Variants in GSG1L observed in about 807,000 individuals in gnomAD.
The protein encoded by GSG1L is GSG1 like.
A neutral mutation model predicts 42.1 loss-of-function variants in GSG1L; 24 were observed. The ratio of observed to expected loss-of-function variants is 0.57; its 90% CI spans 0.41 to 0.80. The LOEUF (loss-of-function observed/expected upper bound fraction) is 0.80. GSG1L is among the 30% of genes least tolerant of loss of function. The probability of loss-of-function intolerance (pLI) is 0.00; values close to 1 mark genes in which losing one functional copy is unlikely to be tolerated. For synonymous variants in GSG1L, 215 were observed against 203.5 expected (o/e 1.06, Z -0.48); for missense variants, 445 against 472.2 (o/e 0.94, Z 0.53).
chr16:27,874,032 G>A (rs557237351), intron 3 of GSG1L, among the ~76,000 whole-genome samples: 5 of 152,280 alleles, frequency 3.3e-5, no homozygotes, highest in South Asian at 4.1e-4. Context: ...AGCTGGGAGA[G>A]GGGAGCAGGT....
At chr16:27,939,895 G>C (rs182352201) in intron 2 of GSG1L, among the ~76,000 whole-genome samples, 1 of 152,118 alleles carries the variant, frequency 6.6e-6, no homozygotes, top group African/African-American at 2.4e-5. Flanking sequence ...TGCCTGGGCT[G>C]GTCTCGAGCT....
At chr16:27,845,161 G>T in intron 3 of GSG1L, 100 bp from the exon 4 acceptor site, 1 of 756,590 alleles carries the variant, frequency 1.3e-6, no homozygotes, top group Non-Finnish European at 2.2e-6. Context: ...GTCTGCCTGT[G>T]ATCACTGTGG....
At chr16:27,834,395 C>T (rs191793535) in intron 4 of GSG1L, among the ~76,000 whole-genome samples, 47 of 151,666 alleles carry the variant, frequency 3.1e-4, no homozygotes, top group African/African-American at 9.9e-4. Context: ...TATTAGTCTG[C>T]GGTTCTTTGC....
At chr16:27,933,603 C>T (rs2084679812) in intron 2 of GSG1L, among the ~76,000 whole-genome samples, 3 of 129,502 alleles carry the variant, frequency 2.3e-5, no homozygotes, top group Admixed American at 9.3e-5. Context: ...GAGCTATGAT[C>T]ATACTACTGC....
At chr16:27,964,459 G>A (rs886867971) in intron 1 of GSG1L, among the ~76,000 whole-genome samples, 2 of 152,000 alleles carry the variant, frequency 1.3e-5, no homozygotes, top group South Asian at 2.1e-4. Context: ...TTTATCAATC[G>A]TGGATAGCAC....
chr16:28,045,108 G>C (rs2086146876), intron 1 of GSG1L, among the ~76,000 whole-genome samples: 1 of 151,206 alleles, frequency 6.6e-6, no homozygotes, highest in Non-Finnish European at 1.5e-5. Context: ...TGGGGGTAGT[G>C]AAACGACTCT....
rs2085239158 is a variant in GSG1L at position 27,975,349 on chromosome 16, G to A, written c.350-12146C>T. On this transcript the variant is annotated intron_variant, in intron 1 of 6. Coordinates refer to ENST00000447459, the MANE Select transcript of GSG1L (RefSeq NM_001109763.2). The stretch of plus-strand genomic sequence containing the variant: ...GAGAAGGGCAGGGAATGGACATGGA[G>A]GGGTGGATGGAGAACAGCTGGCACA... Among the ~76,000 whole-genome samples, 4 of 152,062 alleles carry A rather than the reference G, an allele frequency of 2.6e-5. No homozygotes were observed. In the South Asian group the frequency reaches 8.3e-4, roughly 32 times the overall value.
intron 2 of GSG1L, among the ~76,000 whole-genome samples, chr16:27,890,710 G>A (rs1015364512): frequency 2.8e-4 from 42 of 152,212 alleles, no homozygotes; most frequent in African/African-American, 9.9e-4. Context: ...GACATGCAGA[G>A]CCTACATGAG....
At chr16:27,931,491 A>C (rs752394093) in intron 2 of GSG1L, among the ~76,000 whole-genome samples, 2 of 152,230 alleles carry the variant, frequency 1.3e-5, no homozygotes, top group South Asian at 4.1e-4. Context: ...GGCACTCCTC[A>C]TCAGGGAAAT....
At chr16:27,908,944 A>G (rs971715209) in intron 2 of GSG1L, among the ~76,000 whole-genome samples, 4 of 152,068 alleles carry the variant, frequency 2.6e-5, no homozygotes, top group African/African-American at 9.7e-5. Flanking sequence ...TCACTTCTCT[A>G]TGCCCTTACA....
At chr16:27,919,572 C>T (rs2084501226) in intron 2 of GSG1L, among the ~76,000 whole-genome samples, 1 of 152,206 alleles carries the variant, frequency 6.6e-6, no homozygotes, top group Non-Finnish European at 1.5e-5. Context: ...TCAGCAAATG[C>T]AGCAGAACAT....
At chr16:27,963,800 G>A (rs546302519) in intron 1 of GSG1L, among the ~76,000 whole-genome samples, 2 of 152,018 alleles carry the variant, frequency 1.3e-5, no homozygotes, top group Non-Finnish European at 2.9e-5. Flanking sequence ...ACATGCTCCC[G>A]CTGTTGTAAC....
At chr16:27,995,401 C>T (rs561921783) in intron 1 of GSG1L, among the ~76,000 whole-genome samples, 21 of 152,176 alleles carry the variant, frequency 1.4e-4, no homozygotes, top group South Asian at 6.2e-4. Context: ...TCTATGTAAA[C>T]GCATAACCAA....
intron 1 of GSG1L, among the ~76,000 whole-genome samples, chr16:27,964,383 C>T (rs1403584454): frequency 4.6e-5 from 7 of 151,898 alleles, no homozygotes; most frequent in Admixed American, 1.3e-4. Flanking sequence ...ATTGGTGGGC[C>T]TTCGGCCATT....
At chr16:27,896,131 G>C (rs138033545) in intron 2 of GSG1L, among the ~76,000 whole-genome samples, 1,656 of 152,274 alleles carry the variant, frequency 0.011, 14 homozygotes, top group Non-Finnish European at 0.018. Context: ...ACTGGCCTAG[G>C]GGGTCACTCC....
At chr16:27,813,121 C>T (rs1214032005) in intron 5 of GSG1L, among the ~76,000 whole-genome samples, 1 of 152,062 alleles carries the variant, frequency 6.6e-6, no homozygotes, top group Non-Finnish European at 1.5e-5. Context: ...ATTCAGGGTA[C>T]GTGTGCAGGT....
chr16:27,988,801 T>A (rs926211850), intron 1 of GSG1L, among the ~76,000 whole-genome samples: 6 of 149,058 alleles, frequency 4.0e-5, no homozygotes, highest in Non-Finnish European at 7.4e-5. Flanking sequence ...ACGTCTGTAA[T>A]CCCAGCACTT....
At chr16:28,036,584 C>G (rs205445) in intron 1 of GSG1L, among the ~76,000 whole-genome samples, 17,429 of 152,140 alleles carry the variant, frequency 0.11, 1,430 homozygotes, top group East Asian at 0.27. Flanking sequence ...TCTGTCCCCC[C>G]CTTCACCAGG....
chr16:27,916,114 C>T (rs1178394282), intron 2 of GSG1L, among the ~76,000 whole-genome samples: 7 of 152,070 alleles, frequency 4.6e-5, no homozygotes, highest in African/African-American at 1.4e-4. Flanking sequence ...CCCTGAGACA[C>T]CCAATGAGGA....
Sources: gnomAD v4.1 joint callset for allele counts (sites outside exome capture counted in the v4.1 genomes callset) on GRCh38, gnomAD v4.1.1 for gene constraint, MANE v1.5 for transcripts, NCBI Gene and HGNC (gene_info 2026-07-23, HGNC 2026-07-21) for gene names.